The following TXLNB variants were observed in gnomAD, a reference collection of about 807,000 sequenced individuals.
TXLNB encodes the protein beta-taxilin.
A neutral mutation model predicts 57.4 loss-of-function variants in TXLNB; 37 were observed. The observed-to-expected ratio is 0.64, with a 90% confidence interval of 0.50 to 0.85. The LOEUF (loss-of-function observed/expected upper bound fraction) is 0.85. Among genes scored for constraint, TXLNB ranks in the 40% least tolerant of loss-of-function variants. The probability of loss-of-function intolerance (pLI) is 0.00; values close to 1 mark genes in which losing one functional copy is unlikely to be tolerated. For synonymous variants in TXLNB, 302 were observed against 309.6 expected (o/e 0.98, Z 0.26); for missense variants, 848 against 825.6 (o/e 1.03, Z -0.33).
chr6:139,268,151 C>CAAAAAAA (rs59647726), intron 4 of TXLNB, among the ~76,000 whole-genome samples: 2 of 64,538 alleles, frequency 3.1e-5, no homozygotes, highest in Admixed American at 1.8e-4. Flanking sequence ...CTCCATCTCA[C>CAAAAAAA]AAAAAAAAAA....
chr6:139,317,400 G>GT, the TXLNB span, among the ~76,000 whole-genome samples: 5,916 of 144,540 alleles, frequency 0.041, 332 homozygotes, highest in African/African-American at 0.13. Context: ...AAAGACAGAG[G>GT]TTTTTTTTTT....
chr6:139,259,302 T>G (rs1776422829), intron 6 of TXLNB, among the ~76,000 whole-genome samples: 1 of 152,204 alleles, frequency 6.6e-6, no homozygotes, highest in Admixed American at 6.5e-5. Flanking sequence ...CCCATTGTAT[T>G]TAGAATGAAA....
chr6:139,176,692 T>A, the TXLNB span, among the ~76,000 whole-genome samples: 3 of 152,168 alleles, frequency 2.0e-5, no homozygotes, highest in Non-Finnish European at 4.4e-5. This position sits in a 1 kb window ranked among gnomAD's most constrained non-coding sequence, Gnocchi z 4.5. Context: ...TTAGGGAACT[T>A]CAGTGGAGAG....
intron 5 of TXLNB, among the ~76,000 whole-genome samples, chr6:139,262,196 G>A (rs962875316): frequency 2.0e-5 from 3 of 152,018 alleles, no homozygotes; most frequent in Non-Finnish European, 2.9e-5. Context: ...GTGAGCCACC[G>A]CGCCTGGCCA....
downstream of TXLNB, among the ~76,000 whole-genome samples, chr6:139,239,883 C>A (rs1400571413): frequency 6.6e-6 from 1 of 152,062 alleles, no homozygotes; most frequent in South Asian, 2.1e-4. This position sits in a 1 kb window ranked among gnomAD's most constrained non-coding sequence, Gnocchi z 4.7. Context: ...CACACACACA[C>A]ACCCCCGCCC....
chr6:139,289,293 G>A (rs1311582826), intron 1 of TXLNB, among the ~76,000 whole-genome samples: 2 of 152,050 alleles, frequency 1.3e-5, no homozygotes, highest in African/African-American at 2.4e-5. Context: ...GTTTTGTTTC[G>A]ATCTAATTAC....
intron 7 of TXLNB, among the ~76,000 whole-genome samples, chr6:139,250,967 G>C (rs964847291): frequency 2.0e-5 from 3 of 152,054 alleles, no homozygotes; most frequent in Admixed American, 6.5e-5. Flanking sequence ...CAAAGTAAAG[G>C]CTTTAAAAAA....
the TXLNB span, among the ~76,000 whole-genome samples, chr6:139,173,308 C>G: frequency 6.6e-6 from 1 of 152,298 alleles, no homozygotes; most frequent in East Asian, 1.9e-4. Flanking sequence ...CTTTCCACAT[C>G]CCAGACACTG....
chr6:139,289,333 C>A (rs570681040), intron 1 of TXLNB, among the ~76,000 whole-genome samples: 1 of 142,216 alleles, frequency 7.0e-6, no homozygotes. Flanking sequence ...TCACGTACCC[C>A]CTGCTTGCTC....
chr6:139,174,302 G>A, the TXLNB span: 1 of 1,438,316 alleles, frequency 7.0e-7, no homozygotes, highest in Non-Finnish European at 9.4e-7. Context: ...CTTATAATTG[G>A]TAGATGAAAC....
chr6:139,197,233 C>T, the TXLNB span, among the ~76,000 whole-genome samples: 1 of 152,284 alleles, frequency 6.6e-6, no homozygotes, highest in African/African-American at 2.4e-5. Flanking sequence ...TGCTGCCTAA[C>T]CTCCTATTTC....
the TXLNB span, among the ~76,000 whole-genome samples, chr6:139,189,140 TATG>T: frequency 6.6e-6 from 1 of 152,228 alleles, no homozygotes; most frequent in South Asian, 2.1e-4. Flanking sequence ...TAAGCAATCA[TATG>T]ATGTGTAGTG....
intron 7 of TXLNB, among the ~76,000 whole-genome samples, chr6:139,250,264 GATTACAGGC>G: frequency 6.6e-6 from 1 of 150,694 alleles, no homozygotes; most frequent in Non-Finnish European, 1.5e-5. Context: ...AAAGTGTTGG[GATTACAGGC>G]ATGAGCCACT....
At chr6:139,210,309 T>C in the TXLNB span, among the ~76,000 whole-genome samples, 1 of 152,146 alleles carries the variant, frequency 6.6e-6, no homozygotes, top group African/African-American at 2.4e-5. Flanking sequence ...TGGAGATCCC[T>C]TAAAGAACAA....
the TXLNB span, among the ~76,000 whole-genome samples, chr6:139,176,495 C>G: frequency 3.5e-4 from 53 of 152,264 alleles, no homozygotes; most frequent in Admixed American, 1.4e-3. The surrounding 1 kb of genome is among the most constrained non-coding windows in gnomAD (Gnocchi z 4.5). Flanking sequence ...CAGACCAGCA[C>G]CGCACTTCCT....
rs368620541 is a variant in TXLNB at position 139,282,633 on chromosome 6, G to A, written c.425-5712C>T. Among the ~76,000 whole-genome samples the A allele has an allele frequency of 1.0e-4, 15 of 145,648 alleles. 2 individuals are homozygous for A. In the East Asian group the frequency reaches 2.4e-3, roughly 23 times the overall value. Reference sequence around the variant, plus strand: ...TCTGAAGACATTTCAGAATACTGATGTCCTAGTCAGGAGCCTCTCAGAAGG... The same window carrying A: ...TCTGAAGACATTTCAGAATACTGATATCCTAGTCAGGAGCCTCTCAGAAGG... On this transcript the variant is annotated intron_variant, in intron 2 of 9. Transcript: ENST00000358430.
At chr6:139,204,900 G>A in the TXLNB span, among the ~76,000 whole-genome samples, 1 of 152,166 alleles carries the variant, frequency 6.6e-6, no homozygotes, top group East Asian at 1.9e-4. Flanking sequence ...CTCCCCTATG[G>A]AACATTATCC....
chr6:139,188,794 G>A, the TXLNB span, among the ~76,000 whole-genome samples: 8 of 149,944 alleles, frequency 5.3e-5, no homozygotes, highest in African/African-American at 1.3e-4. Context: ...TTGCTCTGTC[G>A]CCCAGGCTGG....
chr6:139,173,581 G>A, the TXLNB span, among the ~76,000 whole-genome samples: 1 of 152,106 alleles, frequency 6.6e-6, no homozygotes, highest in African/African-American at 2.4e-5. Flanking sequence ...TTTTTAACAT[G>A]GGGAAGCACC....
Sources: gnomAD v4.1 joint callset for allele counts (sites outside exome capture counted in the v4.1 genomes callset) on GRCh38, gnomAD v4.1.1 for gene constraint, Gnocchi (gnomAD v3.1) non-coding constraint, MANE v1.5 for transcripts, NCBI Gene and HGNC (gene_info 2026-07-23, HGNC 2026-07-21) for gene names.